Variants in FAM227A observed in about 807,000 individuals in gnomAD.
FAM227A encodes the protein family with sequence similarity 227 member A.
In FAM227A, 80 loss-of-function variants were observed where a neutral mutation model predicts 74.7. The observed-to-expected ratio is 1.07, with a 90% confidence interval of 0.89 to 1.29. The LOEUF is 1.29. Among genes scored for constraint, FAM227A ranks in the 50% most tolerant of loss-of-function variants. FAM227A has a pLI of 0.00. For synonymous variants in FAM227A, 237 were observed against 241.8 expected (o/e 0.98, Z 0.19); for missense variants, 654 against 683.4 (o/e 0.96, Z 0.48).
Position 38,600,055 on chromosome 22 carries a change from TACTC to T in FAM227A, c.1222-138_1222-135del, listed in dbSNP as rs1177708828. The T allele has an allele frequency of 4.7e-6, 4 of 851,216 alleles. No homozygotes were observed. The Admixed American group carries it at 1.3e-4, about 28-fold the overall frequency. The allele number at this position is 851,216 out of a possible 1,614,324, so 52.7% of individuals were successfully genotyped here. A position where few individuals can be genotyped will look rare whatever the true frequency, so the allele number is the denominator to read the frequency against. On this transcript the variant is annotated intron_variant, in intron 13 of 16. Coordinates refer to ENST00000535113, the MANE Select transcript of FAM227A (RefSeq NM_001013647.2). ...GTTTTAGGATGCACCCTAAGAAAAT[TACTC>T]AAAATAAAGCAAAAAAAGGTCAAGG...
chr22:38,654,879 C>T (rs547350273), intron 1 of FAM227A, among the ~76,000 whole-genome samples: 12 of 150,802 alleles, frequency 8.0e-5, no homozygotes, highest in South Asian at 2.1e-4. Flanking sequence ...ACCCAGGAGG[C>T]GGAGCTTGCA....
intron 1 of FAM227A, among the ~76,000 whole-genome samples, chr22:38,654,840 CGA>C (rs1569249183): frequency 4.8e-5 from 7 of 144,464 alleles, no homozygotes. Context: ...CCCAGCTATT[CGA>C]GAGGCTGAGG....
intron 11 of FAM227A, among the ~76,000 whole-genome samples, chr22:38,611,996 G>A (rs182568998): frequency 1.3e-5 from 2 of 152,146 alleles, no homozygotes; most frequent in Admixed American, 6.5e-5. Context: ...CTTCAACTCC[G>A]TCCTTTCTTC....
At chr22:38,614,216 G>C (rs1480407713) in intron 11 of FAM227A, among the ~76,000 whole-genome samples, 3 of 152,126 alleles carry the variant, frequency 2.0e-5, no homozygotes, top group East Asian at 3.8e-4. Flanking sequence ...ACGCAGGAGA[G>C]AATATCCTGC....
At chr22:38,613,110 T>A (rs192805366) in intron 11 of FAM227A, among the ~76,000 whole-genome samples, 23 of 91,828 alleles carry the variant, frequency 2.5e-4, no homozygotes, top group African/African-American at 1.1e-3. Context: ...TATAATTATA[T>A]ATATATTATA....
intron 2 of FAM227A, among the ~76,000 whole-genome samples, chr22:38,646,323 G>GA (rs946847208): frequency 3.6e-5 from 5 of 138,298 alleles, no homozygotes; most frequent in African/African-American, 1.4e-4. Context: ...GCAGTGGCGG[G>GA]ATCTCGGCTC....
At chr22:38,646,927 G>T (rs2092250029) in intron 2 of FAM227A, among the ~76,000 whole-genome samples, 1 of 151,930 alleles carries the variant, frequency 6.6e-6, no homozygotes, top group Admixed American at 6.6e-5. Flanking sequence ...GAGGCGGGCA[G>T]ATCACGATGT....
chr22:38,608,617 G>C (rs1279436032), intron 11 of FAM227A, among the ~76,000 whole-genome samples: 1 of 150,482 alleles, frequency 6.6e-6, no homozygotes, highest in African/African-American at 2.5e-5. Flanking sequence ...TTTTATTAGA[G>C]ATGGGGTTTC....
In FAM227A at chr22:38,597,291, T is replaced by C. The variant is rs1306716407; in HGVS notation, c.1445A>G (p.Asp482Gly). Residue 482 changes from aspartate (D) to glycine (G), a missense_variant, in exon 15 of 17, where the codon GAC becomes GGC. By Grantham distance (94) the Asp-to-Gly change is moderately conservative (BLOSUM62 -1). Transcript: ENST00000535113. ...ETLCSMKKRK[D>G]NLNQLYQHHW... ...ATGCTGGTACAACTGATTGAGGTTG[T>C]CTTTCCGCTTCTTCATGCTGCACAG... 6.4e-7 allele frequency: 1 copy of C among 1,551,948 alleles called. No individual in the cohort carries two copies. The highest frequency in any genetic ancestry group is 8.7e-7 in the Non-Finnish European group (1 of 1,147,064).
In FAM227A at chr22:38,620,299, A is replaced by T. The variant is rs367737953; in HGVS notation, c.959-8T>A. 56 of 1,545,982 alleles carry T rather than the reference A, an allele frequency of 3.6e-5. No homozygotes were observed. The African/African-American group carries it at 6.6e-4, about 18-fold the overall frequency. On this transcript the variant is annotated splice_region_variant and splice_polypyrimidine_tract_variant and intron_variant, in intron 10 of 16. Coordinates refer to ENST00000535113, the MANE Select transcript of FAM227A (RefSeq NM_001013647.2). ...ACAAAGAAAACTCTCTCCCTATAGA[A>T]GGGGAAAAGCTGTTATTAATTCCTC...
At chr22:38,615,286 G>A (rs1219909720) in intron 11 of FAM227A, among the ~76,000 whole-genome samples, 3 of 152,224 alleles carry the variant, frequency 2.0e-5, no homozygotes, top group Non-Finnish European at 4.4e-5. Flanking sequence ...GCCTCCCAAA[G>A]TGCTGAAGAT....
intron 10 of FAM227A, among the ~76,000 whole-genome samples, chr22:38,622,800 C>T (rs906012138): frequency 5.6e-5 from 8 of 142,134 alleles, no homozygotes; most frequent in South Asian, 4.6e-4. Context: ...CACTTGAATC[C>T]GGGAGGTGGA....
chr22:38,645,508 C>T (rs2092218243), intron 3 of FAM227A, 55 bp downstream of exon 3: 3 of 1,217,074 alleles, frequency 2.5e-6, no homozygotes, highest in Admixed American at 2.0e-5. Context: ...CTTGATGATC[C>T]CCGGGGCCCT....
chr22:38,641,551 C>CAAAAAA (rs34059145), intron 3 of FAM227A, among the ~76,000 whole-genome samples: 1 of 109,198 alleles, frequency 9.2e-6, no homozygotes, highest in Non-Finnish European at 2.1e-5. Flanking sequence ...AACTCCATCT[C>CAAAAAA]AAAAAAAAAA....
chr22:38,586,540 T>C (rs1211995405), intron 16 of FAM227A, among the ~76,000 whole-genome samples: 3 of 152,250 alleles, frequency 2.0e-5, no homozygotes, highest in Non-Finnish European at 4.4e-5. Flanking sequence ...TTGTGTTTTC[T>C]AACTCTGTCT....
At chr22:38,648,547 C>A (rs897594474) in intron 2 of FAM227A, among the ~76,000 whole-genome samples, 7 of 151,120 alleles carry the variant, frequency 4.6e-5, no homozygotes, top group Non-Finnish European at 1.0e-4. Flanking sequence ...GTGGAGGTTG[C>A]AGTGAGCCGA....
intron 2 of FAM227A, among the ~76,000 whole-genome samples, chr22:38,648,146 T>C (rs1364505420): frequency 6.6e-6 from 1 of 152,140 alleles, no homozygotes; most frequent in African/African-American, 2.4e-5. Context: ...TGGAGTTCTG[T>C]GACCCTGGAA....
At chr22:38,653,704 TC>T (rs2092352509) in intron 1 of FAM227A, 1 of 151,424 alleles carries the variant, frequency 6.6e-6, no homozygotes, top group East Asian at 2.0e-4. Context: ...CCCAAAACCA[TC>T]CCCCCCATCC....
At chr22:38,612,978 T>G (rs1215530239) in intron 11 of FAM227A, among the ~76,000 whole-genome samples, 1 of 144,476 alleles carries the variant, frequency 6.9e-6, no homozygotes, top group Non-Finnish European at 1.5e-5. Flanking sequence ...TGATTCCTCC[T>G]TACAGAGGCC....
Sources: allele counts gnomAD v4.1 joint callset (sites outside exome capture counted in the v4.1 genomes callset), GRCh38; gene constraint gnomAD v4.1.1; transcripts MANE v1.5; gene names NCBI Gene and HGNC (gene_info 2026-07-23, HGNC 2026-07-21).